ZBTB47: variants seen among roughly 807,000 people sequenced by gnomAD.
ZBTB47 encodes the protein zinc finger and BTB domain containing 47.
A neutral mutation model predicts 56.6 loss-of-function variants in ZBTB47; 24 were observed. That is an observed-to-expected ratio of 0.42 (90% confidence interval 0.31 to 0.60). The LOEUF is 0.60. ZBTB47 is among the 20% of genes least tolerant of loss of function. The probability of loss-of-function intolerance (pLI) is 0.14; values close to 1 mark genes in which losing one functional copy is unlikely to be tolerated. For missense variants in ZBTB47, 829 were observed against 1,032.6 expected (o/e 0.80, Z 2.70); for synonymous variants, 414 against 418.9 (o/e 0.99, Z 0.14).
chr3:42,659,363 G>A lies in ZBTB47; in HGVS notation c.1008G>A (p.Gly336=), dbSNP rs1199001623. Residue 336 remains glycine, a synonymous_variant, in exon 2 of 6, where the codon GGG becomes GGA. Transcript: ENST00000232974. The part of the protein sequence containing the change: ...EEEEEEEEEE[G]PSEQDQESSE... ...AAGAGGAGGAGGAAGAGGAGGAAGG[G>A]CCTAGTGAGCAGGATCAAGAGAGCT... 7.4e-5 allele frequency: 96 copies of A among 1,302,972 alleles called. 1 individual carries two copies. Among genetic ancestry groups the A allele is most frequent in the Middle Eastern group, 5.6e-4 (2 of 3,546 alleles). The allele number at this position is 1,302,972 out of a possible 1,614,324, so 80.7% of individuals were successfully genotyped here. A position where few individuals can be genotyped will look rare whatever the true frequency, so the allele number is the denominator to read the frequency against.
intron 2 of ZBTB47, among the ~76,000 whole-genome samples, chr3:42,660,878 C>T (rs1156672452): frequency 1.3e-5 from 2 of 152,182 alleles, no homozygotes; most frequent in African/African-American, 2.4e-5. Context: ...GCCTCCATCC[C>T]TGTGGGGTGT....
chr3:42,655,629 C>T (rs1710632773), intron 1 of ZBTB47, among the ~76,000 whole-genome samples: 2 of 152,182 alleles, frequency 1.3e-5, no homozygotes, highest in African/African-American at 2.4e-5. Context: ...GGGAGGGGCA[C>T]GCATTGCTTC....
In ZBTB47 at chr3:42,659,300, A is replaced by G; in HGVS notation, c.945A>G (p.Glu315=). 6 of 1,479,874 alleles carry G rather than the reference A, an allele frequency of 4.1e-6. No individual in the cohort carries two copies. The highest frequency in any genetic ancestry group is 5.5e-6 in the Non-Finnish European group (6 of 1,099,022). The allele number at this position is 1,479,874 out of a possible 1,614,324, so 91.7% of individuals were successfully genotyped here. ...AGGGTGGCAGTCAGGGAGAAGAGGA[A>G]GAAGAGGAGGAGGACGGGCACAGTG... The part of the protein sequence containing the change: ...EEEGGSQGEE[E]EEEEDGHSEQ... Residue 315 remains glutamate (E), a synonymous_variant, in exon 2 of 6, where the codon GAA becomes GAG. Transcript: ENST00000232974.
chr3:42,659,333 A>G lies in ZBTB47; in HGVS notation c.978A>G (p.Glu326=), dbSNP rs933993197. The change falls in exon 2 of 6, where the codon GAA becomes GAG. Residue 326 remains glutamate (E), a synonymous_variant. Coordinates refer to ENST00000232974, the MANE Select transcript of ZBTB47 (RefSeq NM_145166.4). Reference sequence around the variant, plus strand: ...AGGAGGACGGGCACAGTGAGCAGGAAGAGGAAGAGGAGGAGGAAGAGGAGG... The same window carrying G: ...AGGAGGACGGGCACAGTGAGCAGGAGGAGGAAGAGGAGGAGGAAGAGGAGG... The part of the protein sequence containing the change: ...EEEEDGHSEQ[E]EEEEEEEEEG... 6 of 1,452,064 alleles carry G rather than the reference A, an allele frequency of 4.1e-6. No homozygotes were observed. The highest frequency in any genetic ancestry group is 1.4e-5 in the African/African-American group (1 of 70,604). The allele number at this position is 1,452,064 out of a possible 1,614,324, so 89.9% of individuals were successfully genotyped here.
rs1053575442 is a variant in ZBTB47, at chr3:42,656,263, G to A, written c.-81-2012G>A. On this transcript the variant is annotated intron_variant, in intron 1 of 5. Coordinates refer to ENST00000232974, the MANE Select transcript of ZBTB47 (RefSeq NM_145166.4). The surrounding 1 kb of genome is among the most constrained non-coding windows in gnomAD (Gnocchi z 5.8). ...GTGGGGAAGCACGGCTGGTCTCCAG[G>A]TGGCGGGATGTTCTCGCTTTTTAAG... Among the ~76,000 whole-genome samples, 2 of 152,194 alleles carry A rather than the reference G, an allele frequency of 1.3e-5. No individual in the cohort carries two copies. The highest frequency in any genetic ancestry group is 4.8e-5 in the African/African-American group (2 of 41,446).
At position 42,664,798 on chromosome 3, in the gene ZBTB47, T is replaced by G. The variant is rs1710766029; in HGVS notation, c.*200T>G. ...GGCCCCAGAGCTGGTGGAGGGCATC[T>G]CACTCCCAAGTGCCCCCCCTTTCTG... On this transcript the variant is annotated 3_prime_UTR_variant, in exon 6 of 6. Coordinates refer to ENST00000232974, the MANE Select transcript of ZBTB47 (RefSeq NM_145166.4). The G allele has an allele frequency of 2.1e-6, 1 of 485,280 alleles. No homozygotes were observed. Among genetic ancestry groups the G allele is most frequent in the Non-Finnish European group, 3.3e-6 (1 of 306,744 alleles). The allele number at this position is 485,280 out of a possible 1,614,324, so 30.1% of individuals were successfully genotyped here.
chr3:42,660,267 G>A (rs114958301), intron 2 of ZBTB47, among the ~76,000 whole-genome samples: 4,980 of 152,332 alleles, frequency 0.033, 121 homozygotes, highest in Admixed American at 0.046. Flanking sequence ...CACAGGTTGT[G>A]CACTGCAGCA....
chr3:42,661,444 G>A (rs2125838089), intron 2 of ZBTB47, 41 bp from the exon 3 acceptor site: 1 of 1,603,280 alleles, frequency 6.2e-7, no homozygotes, highest in African/African-American at 1.3e-5. Context: ...CAAGACCCTG[G>A]GGACTCAGGA....
At position 42,663,767 on chromosome 3, in the gene ZBTB47, C is replaced by A; in HGVS notation, c.1738-30C>A. 1 of 1,611,980 alleles carries A rather than the reference C, an allele frequency of 6.2e-7. No homozygotes were observed. Among genetic ancestry groups the A allele is most frequent in the South Asian group, 1.1e-5 (1 of 90,892 alleles). ...CAAAGGCTGCTCTTCTGCTCTGTGCCTGGGCCTCACCCCCAAACCCCACCC... is the reference window on the plus strand; with the variant it reads ...CAAAGGCTGCTCTTCTGCTCTGTGCATGGGCCTCACCCCCAAACCCCACCC... On this transcript the variant is annotated intron_variant, in intron 4 of 5. Coordinates refer to ENST00000232974, the MANE Select transcript of ZBTB47 (RefSeq NM_145166.4). The surrounding 1 kb of genome is among the most constrained non-coding windows in gnomAD (Gnocchi z 5.1).
In ZBTB47 at chr3:42,665,863, CTT is replaced by C. The variant is rs771189236; in HGVS notation, c.*1267_*1268del. 6.6e-6 allele frequency: 1 copy of C among 152,650 alleles called. No individual in the cohort carries two copies. The highest frequency in any genetic ancestry group is 1.5e-5 in the Non-Finnish European group (1 of 68,040). 9.5% of individuals were successfully genotyped at this position (152,650 alleles called of 1,614,324 possible). The stretch of plus-strand genomic sequence containing the variant: ...ACCCTTTTTTGTTGTCATTTAATGT[CTT>C]TATTCCTGCCTTTAATATGGGGAGG... On this transcript the variant is annotated 3_prime_UTR_variant, in exon 6 of 6. Coordinates refer to ENST00000232974, the MANE Select transcript of ZBTB47 (RefSeq NM_145166.4).
intron 1 of ZBTB47, among the ~76,000 whole-genome samples, chr3:42,655,843 G>C (rs543022484): frequency 6.6e-6 from 1 of 152,366 alleles, no homozygotes; most frequent in Admixed American, 6.5e-5. Flanking sequence ...CCTTGGCTGA[G>C]AGTACTACCT....
rs548527268 is a variant in ZBTB47, at chr3:42,658,711, C to T, written c.356C>T (p.Pro119Leu). ...LDARSLGPPG[P>L]GTVALAQPAA... Reference sequence around the variant, plus strand: ...GCCCGCTCTCTAGGCCCACCAGGTCCGGGCACTGTGGCCCTGGCCCAGCCG... The same window carrying T: ...GCCCGCTCTCTAGGCCCACCAGGTCTGGGCACTGTGGCCCTGGCCCAGCCG... The change falls in exon 2 of 6, where the codon CCG (proline) becomes CTG (leucine). Residue 119 changes from proline (P) to leucine (L), a missense_variant. Transcript: ENST00000232974. 2.2e-5 allele frequency: 34 copies of T among 1,535,354 alleles called. No homozygotes were observed. The African/African-American group carries it at 2.3e-4, about 10-fold the overall frequency.
chr3:42,666,581 T>C lies in ZBTB47; in HGVS notation c.*1983T>C, dbSNP rs921855773. On this transcript the variant is annotated 3_prime_UTR_variant, in exon 6 of 6. Transcript: ENST00000232974. ...TCCCAGTGGGCTGTAGGCAGGGTCCTCCATGGGTTTCCAACCCCCATCACT... is the reference window on the plus strand; with the variant it reads ...TCCCAGTGGGCTGTAGGCAGGGTCCCCCATGGGTTTCCAACCCCCATCACT... 6.6e-6 allele frequency among the ~76,000 whole-genome samples: 1 copy of C among 152,176 alleles called. No homozygotes were observed. The highest frequency in any genetic ancestry group is 2.4e-5 in the African/African-American group (1 of 41,436).
rs1710753649 is a variant in ZBTB47 at position 42,664,088 on chromosome 3, G to A, written c.1882+147G>A. The A allele has an allele frequency of 6.1e-6, 9 of 1,471,494 alleles. No homozygotes were observed. The African/African-American group carries it at 7.0e-5, about 12-fold the overall frequency. The allele number at this position is 1,471,494 out of a possible 1,614,324, so 91.2% of individuals were successfully genotyped here. ...TGCTTCCTGCCTCCCAGGGTTGGGT[G>A]AGGCTGGCACAAAATGCCCCAGGGT... On this transcript the variant is annotated intron_variant, in intron 5 of 5. Transcript: ENST00000232974.
Position 42,664,741 on chromosome 3 carries a change from G to A in ZBTB47, c.*143G>A, listed in dbSNP as rs1710765109. 9.7e-7 allele frequency: 1 copy of A among 1,029,532 alleles called. No individual in the cohort carries two copies. Among genetic ancestry groups the A allele is most frequent in the Non-Finnish European group, 1.3e-6 (1 of 788,396 alleles). The allele number at this position is 1,029,532 out of a possible 1,614,324, so 63.8% of individuals were successfully genotyped here. On this transcript the variant is annotated 3_prime_UTR_variant, in exon 6 of 6. Coordinates refer to ENST00000232974, the MANE Select transcript of ZBTB47 (RefSeq NM_145166.4). ...AAGTGGCTGGATGTACCCTGCCTGA[G>A]GCCCCGACGAGGAGGGGTATGCAGG...
Position 42,664,387 on chromosome 3 carries a change from A to G in ZBTB47, c.2033A>G (p.His678Arg). Reference protein sequence around the residue: ...RFRFSNMLKAHKEKCFRVSHT... With the variant: ...RFRFSNMLKARKEKCFRVSHT... The stretch of plus-strand genomic sequence containing the variant: ...CGCTTCTCCAACATGCTCAAGGCCC[A>G]CAAGGAGAAGTGCTTCCGCGTCAGC... The change falls in exon 6 of 6, where the codon CAC becomes CGC. Residue 678 changes from histidine to arginine, a missense_variant. Transcript: ENST00000232974. 6.2e-7 allele frequency: 1 copy of G among 1,603,908 alleles called. No individual in the cohort carries two copies. The highest frequency in any genetic ancestry group is 8.5e-7 in the Non-Finnish European group (1 of 1,175,802).
At chr3:42,659,953 G>A in intron 2 of ZBTB47, 125 bp downstream of exon 2, 1 of 1,359,878 alleles carries the variant, frequency 7.4e-7, no homozygotes, top group Non-Finnish European at 9.7e-7. Context: ...ACCAGACTTA[G>A]CCCCCAGACA....
At position 42,664,237 on chromosome 3, in the gene ZBTB47, G is replaced by A; in HGVS notation, c.1883G>A (p.Gly628Glu). Residue 628 changes from glycine to glutamate, a missense_variant and splice_region_variant, in exon 6 of 6, where the codon GGA becomes GAA. Gly to Glu is a moderately conservative substitution (Grantham distance 98). This residue lies in a region of ZBTB47 where 44 missense variants were observed against 76.7 expected (regional missense o/e 0.57). Coordinates refer to ENST00000232974, the MANE Select transcript of ZBTB47 (RefSeq NM_145166.4). ...YFDEHMKTHT[G>E]EKPYICEICG... The stretch of plus-strand genomic sequence containing the variant: ...CCTGCTGCCCACCCCCAACCCCCAG[G>A]AGAGAAGCCGTACATCTGCGAGATC... 1 of 1,613,488 alleles carries A rather than the reference G, an allele frequency of 6.2e-7. No homozygotes were observed. Among genetic ancestry groups the A allele is most frequent in the Non-Finnish European group, 8.5e-7 (1 of 1,179,716 alleles).
chr3:42,660,983 G>A (rs1242422457), intron 2 of ZBTB47, among the ~76,000 whole-genome samples: 1 of 152,152 alleles, frequency 6.6e-6, no homozygotes. Context: ...ATGGGACCTT[G>A]AGCCTCCTGC....
Sources: gnomAD v4.1 joint callset for allele counts (sites outside exome capture counted in the v4.1 genomes callset) on GRCh38, gnomAD v4.1.1 for gene constraint, gnomAD v4.1.1 regional missense constraint, Gnocchi (gnomAD v3.1) non-coding constraint, MANE v1.5 for transcripts, NCBI Gene and HGNC (gene_info 2026-07-23, HGNC 2026-07-21) for gene names.